The following CRISPLD1 variants were observed in gnomAD, a reference collection of about 807,000 sequenced individuals.
CRISPLD1 encodes cysteine rich secretory protein LCCL domain containing 1, also known as cysteine-rich secretory protein LCCL domain-containing 1.
A neutral mutation model predicts 77.5 loss-of-function variants in CRISPLD1; 60 were observed. That is an observed-to-expected ratio of 0.77 (90% CI 0.63 to 0.96). The LOEUF (loss-of-function observed/expected upper bound fraction) is 0.96, where lower values mean the gene tolerates loss of function less well. Among genes scored for constraint, CRISPLD1 ranks in the 40% least tolerant of loss-of-function variants. The pLI is 0.00. For missense variants in CRISPLD1, 623 were observed against 615.8 expected, an observed-to-expected ratio of 1.01 and a Z score of -0.12; for synonymous variants, 195 against 200.1, an observed-to-expected ratio of 0.97 and a Z score of 0.22.
At chr8:74,994,289 G>C in intron 2 of CRISPLD1, among the ~76,000 whole-genome samples, 1 of 152,164 alleles carries the variant, frequency 6.6e-6, no homozygotes, top group East Asian at 1.9e-4. Context: ...AATTAATCTT[G>C]AAAAATTCAA....
chr8:75,000,044 G>T, intron 2 of CRISPLD1: 1 of 638,130 alleles, frequency 1.6e-6, no homozygotes, highest in Middle Eastern at 8.1e-4. Context: ...GCAGCAACTA[G>T]ATACAAGGAT....
intron 2 of CRISPLD1, among the ~76,000 whole-genome samples, chr8:74,990,988 C>G (rs1812564640): frequency 6.6e-6 from 1 of 151,720 alleles, no homozygotes. Flanking sequence ...GCAGACTATA[C>G]CAATCCTATT....
chr8:75,008,646 C>T (rs1251941487), intron 2 of CRISPLD1, among the ~76,000 whole-genome samples: 1 of 151,970 alleles, frequency 6.6e-6, no homozygotes, highest in Non-Finnish European at 1.5e-5. Context: ...GTTGCATGCC[C>T]CTCTGCTTCA....
chr8:75,025,365 A>G (rs1165203581), intron 12 of CRISPLD1, among the ~76,000 whole-genome samples, 181 bp from the exon 13 acceptor site: 1 of 152,102 alleles, frequency 6.6e-6, no homozygotes, highest in Non-Finnish European at 1.5e-5. Context: ...CAAAAGATAG[A>G]TAAACAGAAG....
At chr8:74,988,341 A>G (rs915023665) in intron 2 of CRISPLD1, among the ~76,000 whole-genome samples, 1 of 152,186 alleles carries the variant, frequency 6.6e-6, no homozygotes, top group East Asian at 1.9e-4. Context: ...CTAGTGTCCT[A>G]TGATAAGTAC....
chr8:75,006,217 A>G (rs1477365278), intron 2 of CRISPLD1, among the ~76,000 whole-genome samples: 3 of 152,208 alleles, frequency 2.0e-5, no homozygotes, highest in East Asian at 1.9e-4. Context: ...TTAAAAGTCC[A>G]TATTGTGAAT....
intron 6 of CRISPLD1, 132 bp from the exon 7 acceptor site, chr8:75,016,433 C>T: frequency 2.3e-6 from 2 of 859,492 alleles, no homozygotes; most frequent in Non-Finnish European, 3.5e-6. Flanking sequence ...TAAGCCAAAA[C>T]CTGTGCAGAA....
chr8:74,986,147 A>G lies in CRISPLD1; in HGVS notation c.160A>G (p.Lys54Glu). 1 of 1,614,102 alleles carries G rather than the reference A, an allele frequency of 6.2e-7. No homozygotes were observed. The highest frequency in any genetic ancestry group is 8.5e-7 in the Non-Finnish European group (1 of 1,179,960). ...GEWWIAKQRG[K>E]RAITDNDMQS... ...GTGGTGGATAGCCAAACAACGAGGG[A>G]AAAGGGCCATCACAGACAATGACAT... The change falls in exon 2 of 15, where the codon AAA (lysine) becomes GAA (glutamate). Residue 54 changes from lysine (K) to glutamate (E), a missense_variant. Coordinates refer to ENST00000262207, the MANE Select transcript of CRISPLD1 (RefSeq NM_031461.6).
chr8:75,003,839 T>A (rs549228945), intron 2 of CRISPLD1, among the ~76,000 whole-genome samples: 1 of 152,142 alleles, frequency 6.6e-6, no homozygotes, highest in Non-Finnish European at 1.5e-5. Flanking sequence ...AATGTAAGGA[T>A]TGTAATTCTA....
At chr8:74,999,124 A>T (rs1812694137) in intron 2 of CRISPLD1, among the ~76,000 whole-genome samples, 1 of 152,092 alleles carries the variant, frequency 6.6e-6, no homozygotes, top group Admixed American at 6.6e-5. Flanking sequence ...AACTGGCTAA[A>T]AATAAGAACC....
At chr8:75,017,472 T>C in intron 10 of CRISPLD1, 22 bp downstream of exon 10, 3 of 1,572,100 alleles carry the variant, frequency 1.9e-6, no homozygotes, top group Non-Finnish European at 2.6e-6. Flanking sequence ...AATAATCTTT[T>C]GGACCAGATA....
Position 75,002,819 on chromosome 8 carries a change from A to G in CRISPLD1, c.259-9614A>G, listed in dbSNP as rs1476915408. On this transcript the variant is annotated intron_variant, in intron 2 of 14. Transcript: ENST00000262207. ...GTGGAGCTATCTCGTGAGACATAGAACTTGGCAGGAAGGTGCTGAGATGGC... is the reference window on the plus strand; with the variant it reads ...GTGGAGCTATCTCGTGAGACATAGAGCTTGGCAGGAAGGTGCTGAGATGGC... Among the ~76,000 whole-genome samples, 3 of 152,182 alleles carry G rather than the reference A, an allele frequency of 2.0e-5. No individual in the cohort carries two copies. The East Asian group carries it at 5.8e-4, about 29-fold the overall frequency.
rs147360106 is a variant in CRISPLD1 at position 75,019,537 on chromosome 8, G to A, written c.1128-333G>A. ...GTGAAAGACTAAATAGTTTGGTCCCGTGGAGGCAGGAAATTAGTATGTGAG... is the reference window on the plus strand; with the variant it reads ...GTGAAAGACTAAATAGTTTGGTCCCATGGAGGCAGGAAATTAGTATGTGAG... On this transcript the variant is annotated intron_variant, in intron 10 of 14. Coordinates refer to ENST00000262207, the MANE Select transcript of CRISPLD1 (RefSeq NM_031461.6). Among the ~76,000 whole-genome samples the A allele has an allele frequency of 1.1e-3, 165 of 152,072 alleles. 2 individuals carry two copies. The East Asian group carries it at 0.024, about 22-fold the overall frequency.
At chr8:75,000,493 A>T (rs1563393872) in intron 2 of CRISPLD1, 1 of 910,116 alleles carries the variant, frequency 1.1e-6, no homozygotes, top group East Asian at 1.2e-4. Flanking sequence ...GAGATTTTTG[A>T]TGCTGAACAA....
intron 12 of CRISPLD1, among the ~76,000 whole-genome samples, chr8:75,024,180 A>T (rs954359252): frequency 1.3e-5 from 2 of 152,182 alleles, no homozygotes; most frequent in Admixed American, 6.5e-5. Context: ...AAGGAGTAAG[A>T]TATAAAGTTG....
In CRISPLD1 at chr8:74,986,095, G is replaced by A. The variant is rs201928150; in HGVS notation, c.108G>A (p.Leu36=). 6.2e-7 allele frequency: 1 copy of A among 1,613,996 alleles called. No individual in the cohort carries two copies. The highest frequency in any genetic ancestry group is 1.3e-5 in the African/African-American group (1 of 74,964). Residue 36 remains leucine (L), a synonymous_variant, in exon 2 of 15, where the codon TTG becomes TTA. Coordinates refer to ENST00000262207, the MANE Select transcript of CRISPLD1 (RefSeq NM_031461.6). The part of the protein sequence containing the change: ...VPNATLLEKL[L]EKYMDEDGEW... Reference sequence around the variant, plus strand: ...ATGCCACTTTATTGGAGAAACTTTTGGAAAAATACATGGATGAGGATGGTG... The same window carrying A: ...ATGCCACTTTATTGGAGAAACTTTTAGAAAAATACATGGATGAGGATGGTG...
chr8:75,020,922 A>G (rs1465598843), intron 12 of CRISPLD1, among the ~76,000 whole-genome samples: 3 of 152,172 alleles, frequency 2.0e-5, no homozygotes, highest in African/African-American at 7.2e-5. Flanking sequence ...ATCTTGGCCA[A>G]GCTAAGATGA....
chr8:75,030,824 A>G (rs1340499643), intron 14 of CRISPLD1, among the ~76,000 whole-genome samples: 1 of 151,312 alleles, frequency 6.6e-6, no homozygotes, highest in Non-Finnish European at 1.5e-5. Context: ...GTGTATGTAT[A>G]TATGTGTTTC....
intron 12 of CRISPLD1, among the ~76,000 whole-genome samples, chr8:75,023,510 A>G (rs1423806813): frequency 6.6e-6 from 1 of 152,212 alleles, no homozygotes; most frequent in Non-Finnish European, 1.5e-5. Flanking sequence ...TGTTATGTGA[A>G]GTATATACAC....
Sources: gnomAD v4.1 joint callset for allele counts (sites outside exome capture counted in the v4.1 genomes callset) on GRCh38, gnomAD v4.1.1 for gene constraint, MANE v1.5 for transcripts, NCBI Gene and HGNC (gene_info 2026-07-23, HGNC 2026-07-21) for gene names.